The following WDR35 variants were observed in gnomAD, a reference collection of about 807,000 sequenced individuals.
WDR35 encodes the protein WD repeat-containing protein 35.
WDR35 carries 118 observed loss-of-function variants against 158.3 expected under a neutral mutation model. The ratio of observed to expected loss-of-function variants is 0.75; its 90% CI spans 0.64 to 0.87. WDR35 has a LOEUF of 0.87. WDR35 is among the 40% of genes least tolerant of loss of function. WDR35 has a pLI of 0.00. For synonymous variants in WDR35, 448 were observed against 476.1 expected (o/e 0.94, Z 0.77); for missense variants, 1,263 against 1,405.8 (o/e 0.90, Z 1.62).
At chr2:19,923,377 T>TA (rs1477955832) in intron 25 of WDR35, among the ~76,000 whole-genome samples, 1 of 152,036 alleles carries the variant, frequency 6.6e-6, no homozygotes, top group Non-Finnish European at 1.5e-5. Context: ...CCGTAGTGAG[T>TA]AAGAAGGGGA....
At chr2:19,958,685 A>G (rs1156541338) in intron 11 of WDR35, among the ~76,000 whole-genome samples, 2 of 152,206 alleles carry the variant, frequency 1.3e-5, no homozygotes, top group East Asian at 3.8e-4. Flanking sequence ...TACAGAAGTT[A>G]ATTAGACGTA....
chr2:19,957,556 ATT>A (rs35202505), intron 11 of WDR35, among the ~76,000 whole-genome samples: 2 of 145,684 alleles, frequency 1.4e-5, no homozygotes, highest in Non-Finnish European at 1.5e-5. Flanking sequence ...AGGTTATTGG[ATT>A]TTTTTTTTTT....
In WDR35 at chr2:19,936,316, GTACTC is replaced by G. The variant is rs1171626821; in HGVS notation, c.2312_2316del (p.Arg771ThrfsTer10). On this transcript the variant is annotated frameshift_variant, in exon 20 of 27. Transcript: ENST00000281405. LOFTEE classifies it high-confidence loss of function. ...CCAGATCCAGTTTTCAGGAGCTGGA[GTACTC>G]TAAACCAATCCCCCAATTTCAGCCG... The G allele has an allele frequency of 1.2e-6, 2 of 1,614,050 alleles. No individual in the cohort carries two copies. Among genetic ancestry groups the G allele is most frequent in the Non-Finnish European group, 1.7e-6 (2 of 1,179,954 alleles).
At chr2:19,982,629 A>G in intron 2 of WDR35, 95 bp from the exon 3 acceptor site, 1 of 1,312,666 alleles carries the variant, frequency 7.6e-7, no homozygotes, top group South Asian at 1.3e-5. Context: ...AGTATTAATC[A>G]TTTTTCTAAG....
intron 17 of WDR35, 50 bp from the exon 18 acceptor site, chr2:19,938,451 A>G (rs1263300677): frequency 1.9e-6 from 3 of 1,585,972 alleles, no homozygotes; most frequent in South Asian, 1.1e-5. Context: ...CCGTTAGAGT[A>G]TGTGTTTCTT....
In WDR35 at chr2:19,913,451, C is replaced by A; in HGVS notation, c.*107G>T. 1.4e-6 allele frequency: 2 copies of A among 1,418,574 alleles called. No homozygotes were observed. The highest frequency in any genetic ancestry group is 1.3e-5 in the South Asian group (1 of 75,930). 87.9% of individuals were successfully genotyped at this position (1,418,574 alleles called of 1,614,324 possible). ...AAAAATTCAACTATAAATAATGAGG[C>A]TGATTTTCATACAAAACTCACAGAA... is the stretch of plus-strand genomic sequence containing the variant. On this transcript the variant is annotated 3_prime_UTR_variant, in exon 27 of 27. Transcript: ENST00000281405.
At chr2:19,984,289 T>C (rs372246360) in intron 2 of WDR35, among the ~76,000 whole-genome samples, 2 of 152,254 alleles carry the variant, frequency 1.3e-5, no homozygotes, top group South Asian at 4.1e-4. Context: ...TAAAAAATAT[T>C]CATAAAACCC....
rs543779514 is a variant in WDR35, at chr2:19,969,652, A to G, written c.883-47T>C. On this transcript the variant is annotated intron_variant, in intron 8 of 26. Transcript: ENST00000281405. ...AACCTAAAGTATAACAATTAACTGAAATACAAATTACCACCAATCACTTCA... is the reference window on the plus strand; with the variant it reads ...AACCTAAAGTATAACAATTAACTGAGATACAAATTACCACCAATCACTTCA... 113 of 1,590,878 alleles carry G rather than the reference A, an allele frequency of 7.1e-5. No individual in the cohort carries two copies. In the South Asian group the frequency reaches 1.2e-3, roughly 17 times the overall value.
intron 16 of WDR35, among the ~76,000 whole-genome samples, chr2:19,943,284 C>G (rs1670935177): frequency 6.6e-6 from 1 of 152,116 alleles, no homozygotes; most frequent in African/African-American, 2.4e-5. Flanking sequence ...ACAATCCTAT[C>G]AGGTCTGACC....
intron 25 of WDR35, among the ~76,000 whole-genome samples, chr2:19,914,690 G>A (rs1295852350): frequency 6.6e-6 from 1 of 151,922 alleles, no homozygotes; most frequent in African/African-American, 2.4e-5. Flanking sequence ...TAAAAAAAAA[G>A]CAAAACAATA....
At chr2:19,931,501 A>G in intron 23 of WDR35, 92 bp from the exon 24 acceptor site, 1 of 1,395,268 alleles carries the variant, frequency 7.2e-7, no homozygotes, top group East Asian at 2.3e-5. Flanking sequence ...TGATTCCCTA[A>G]AAAAGGAGGA....
chr2:19,962,807 A>T (rs1164156374), intron 10 of WDR35, among the ~76,000 whole-genome samples: 2 of 152,200 alleles, frequency 1.3e-5, no homozygotes, highest in Admixed American at 6.5e-5. Flanking sequence ...AAAAAATCAT[A>T]ATTTACTCTT....
chr2:19,941,858 A>C lies in WDR35; in HGVS notation c.1846-19T>G, dbSNP rs568797577. On this transcript the variant is annotated intron_variant, in intron 16 of 26. Transcript: ENST00000281405. ...TGGGTTCCTTTAAAGACAAAAAAAA[A>C]GTTATGTTTCATTATGCAAAATTTC... is the stretch of plus-strand genomic sequence containing the variant. 6.6e-7 allele frequency: 1 copy of C among 1,524,570 alleles called. No individual in the cohort carries two copies. The highest frequency in any genetic ancestry group is 2.3e-5 in the East Asian group (1 of 43,254). 94.4% of individuals were successfully genotyped at this position (1,524,570 alleles called of 1,614,324 possible).
At chr2:19,989,104 C>T in intron 2 of WDR35, 61 bp downstream of exon 2, 1 of 1,385,736 alleles carries the variant, frequency 7.2e-7, no homozygotes, top group South Asian at 1.2e-5. Flanking sequence ...ATGAGTAGAC[C>T]GCACTGAACA....
chr2:19,980,213 T>C (rs1672339805), intron 4 of WDR35, among the ~76,000 whole-genome samples: 3 of 152,204 alleles, frequency 2.0e-5, no homozygotes. Flanking sequence ...AACAAATATT[T>C]ATTGAACATG....
intron 7 of WDR35, 80 bp downstream of exon 7, chr2:19,974,388 G>A (rs545992626): frequency 1.0e-5 from 14 of 1,378,550 alleles, no homozygotes; most frequent in South Asian, 5.7e-5. Flanking sequence ...CAGCCTGGGC[G>A]ACAGAGTGAG....
In WDR35 at chr2:19,963,426, T is replaced by C. The variant is rs559735580; in HGVS notation, c.1195-2812A>G. Among the ~76,000 whole-genome samples, 7 of 152,286 alleles carry C rather than the reference T, an allele frequency of 4.6e-5. No homozygotes were observed. In the East Asian group the frequency reaches 1.4e-3, roughly 29 times the overall value. On this transcript the variant is annotated intron_variant, in intron 10 of 26. Transcript: ENST00000281405. ...GCTTATTACTAACACAAATCCCCAATTATCCCTGAATTATGTATATCTTGC... is the reference window on the plus strand; with the variant it reads ...GCTTATTACTAACACAAATCCCCAACTATCCCTGAATTATGTATATCTTGC...
intron 8 of WDR35, among the ~76,000 whole-genome samples, chr2:19,973,285 C>T (rs1040514726): frequency 6.6e-6 from 1 of 151,962 alleles, no homozygotes; most frequent in Non-Finnish European, 1.5e-5. Flanking sequence ...ATATTCAGAT[C>T]ACAGAGAAAA....
In WDR35 at chr2:19,914,239, C is replaced by T. The variant is rs1476827627; in HGVS notation, c.3160G>A (p.Val1054Met). Reference protein sequence around the residue: ...LKDYEDIIPPVEIYSLLALCA... With the variant: ...LKDYEDIIPPMEIYSLLALCA... ...AGTGCTAGCAGAGAGTAGATCTCCA[C>T]AGGAGGGATGATGTCTTCATAGTCT... Residue 1054 changes from valine to methionine, a missense_variant, in exon 26 of 27, where the codon GTG becomes ATG. Val to Met is a conservative substitution (Grantham distance 21, BLOSUM62 1). Transcript: ENST00000281405. 5 of 1,613,600 alleles carry T rather than the reference C, an allele frequency of 3.1e-6. No individual in the cohort carries two copies. Among genetic ancestry groups the T allele is most frequent in the East Asian group, 2.2e-5 (1 of 44,862 alleles).
Sources: allele counts gnomAD v4.1 joint callset (sites outside exome capture counted in the v4.1 genomes callset), GRCh38; gene constraint gnomAD v4.1.1; transcripts MANE v1.5; gene names NCBI Gene and HGNC (gene_info 2026-07-23, HGNC 2026-07-21).